The following MALRD1 variants were observed in gnomAD, a reference collection of about 807,000 sequenced individuals.
MALRD1 encodes the protein MAM and LDL-receptor class A domain-containing protein 1.
MALRD1 carries 247 observed loss-of-function variants against 242.1 expected under a neutral mutation model. The observed-to-expected ratio is 1.02, with a 90% CI of 0.92 to 1.13. The LOEUF (loss-of-function observed/expected upper bound fraction) is 1.13, where lower values mean the gene tolerates loss of function less well. Among genes scored for constraint, MALRD1 ranks in the 50% most tolerant of loss-of-function variants. The pLI is 0.00. For synonymous variants in MALRD1, 995 were observed against 866.6 expected (o/e 1.15, Z -2.60); for missense variants, 2,989 against 2,533.1 (o/e 1.18, Z -3.86).
chr10:19,429,256 T>C (rs1834025539), intron 28 of MALRD1, among the ~76,000 whole-genome samples: 1 of 152,184 alleles, frequency 6.6e-6, no homozygotes, highest in African/African-American at 2.4e-5. Context: ...GTGTAATGTG[T>C]AATGTGACTG....
chr10:19,533,984 C>G (rs1457873942), intron 32 of MALRD1, among the ~76,000 whole-genome samples: 2 of 152,160 alleles, frequency 1.3e-5, no homozygotes, highest in Admixed American at 6.5e-5. Context: ...GGAACATAGA[C>G]TAGGCTTGGG....
rs780012192 is a variant in MALRD1 at position 19,128,213 on chromosome 10, T to A, written c.944-8T>A. 12 of 1,233,010 alleles carry A rather than the reference T, an allele frequency of 9.7e-6. No individual in the cohort carries two copies. Among genetic ancestry groups the A allele is most frequent in the Non-Finnish European group, 1.2e-5 (12 of 987,512 alleles). The allele number at this position is 1,233,010 out of a possible 1,614,324, so 76.4% of individuals were successfully genotyped here. On this transcript the variant is annotated splice_region_variant and splice_polypyrimidine_tract_variant and intron_variant, in intron 7 of 39. Coordinates refer to ENST00000454679, the MANE Select transcript of MALRD1 (RefSeq NM_001142308.3). Reference sequence around the variant, plus strand: ...CCTAAATTGCTTCTTTTTTCTTTTATCTTTCAGGTTATTATGTATGGGTAG... The same window carrying A: ...CCTAAATTGCTTCTTTTTTCTTTTAACTTTCAGGTTATTATGTATGGGTAG...
chr10:19,367,544 T>C (rs924634271), intron 26 of MALRD1, among the ~76,000 whole-genome samples: 11 of 152,156 alleles, frequency 7.2e-5, no homozygotes, highest in Admixed American at 3.3e-4. Context: ...ATTTCTTATC[T>C]TGGCTATTGT....
intron 36 of MALRD1, among the ~76,000 whole-genome samples, chr10:19,672,276 A>C (rs11011036): frequency 0.069 from 10,447 of 151,924 alleles, 424 homozygotes; most frequent in Middle Eastern, 0.093. Context: ...CTCTCTCTCT[A>C]TATATATAAT....
intron 28 of MALRD1, among the ~76,000 whole-genome samples, chr10:19,400,676 T>TA (rs1238015609): frequency 1.3e-5 from 2 of 152,166 alleles, no homozygotes; most frequent in East Asian, 1.9e-4. Context: ...TTAGAAGAAA[T>TA]AAAAAAATTA....
Position 19,320,482 on chromosome 10 carries a change from T to TG in MALRD1, c.3420-3464dup, listed in dbSNP as rs1477072543. 6.6e-5 allele frequency among the ~76,000 whole-genome samples: 10 copies of TG among 152,266 alleles called. No homozygotes were observed. In the South Asian group the frequency reaches 2.1e-3, roughly 32 times the overall value. ...ATCCAGTCTATCATTGATGGGAATT[T>TG]GGGTTGGTTCCAAATCTTTGCTATT... On this transcript the variant is annotated intron_variant, in intron 21 of 39. Coordinates refer to ENST00000454679, the MANE Select transcript of MALRD1 (RefSeq NM_001142308.3).
chr10:19,459,083 T>G (rs1352487929), intron 29 of MALRD1, among the ~76,000 whole-genome samples: 1 of 152,148 alleles, frequency 6.6e-6, no homozygotes, highest in Non-Finnish European at 1.5e-5. Context: ...CAAATACATT[T>G]GCTGTATTTA....
Position 19,212,735 on chromosome 10 carries a change from C to T in MALRD1, c.2991+3055C>T, listed in dbSNP as rs577845857. On this transcript the variant is annotated intron_variant, in intron 18 of 39. Coordinates refer to ENST00000454679, the MANE Select transcript of MALRD1 (RefSeq NM_001142308.3). ...CAGTGTATGAGAGTTTCAGCTTCTC[C>T]ACATCCAAGCCAGTGCTTGGCTATT... Among the ~76,000 whole-genome samples the T allele has an allele frequency of 3.2e-4, 48 of 152,066 alleles. 1 individual carries two copies. Among genetic ancestry groups the T allele is most frequent in the Non-Finnish European group, 6.2e-4 (42 of 68,004 alleles).
chr10:19,561,216 T>C (rs1173387786), intron 32 of MALRD1, among the ~76,000 whole-genome samples: 1 of 152,208 alleles, frequency 6.6e-6, no homozygotes. Context: ...TTCTTTTAAA[T>C]TTGCTACAGT....
chr10:19,489,028 G>T (rs750182276), intron 29 of MALRD1: 61 of 456,994 alleles, frequency 1.3e-4, no homozygotes, highest in Non-Finnish European at 2.2e-4. Flanking sequence ...CCCGCCAGGG[G>T]TCTCAGCAGC....
intron 21 of MALRD1, among the ~76,000 whole-genome samples, chr10:19,306,646 C>T (rs1484990355): frequency 6.6e-6 from 1 of 150,640 alleles, no homozygotes; most frequent in Non-Finnish European, 1.5e-5. Context: ...TTAGTCTGTT[C>T]TCATGCTGCT....
intron 35 of MALRD1, among the ~76,000 whole-genome samples, chr10:19,613,254 A>G (rs558462228): frequency 3.2e-4 from 48 of 152,146 alleles, no homozygotes; most frequent in African/African-American, 1.1e-3. Flanking sequence ...CTTTATCTCT[A>G]CTTCATATTA....
At chr10:19,701,782 C>A (rs183128325) in intron 38 of MALRD1, among the ~76,000 whole-genome samples, 2,231 of 143,416 alleles carry the variant, frequency 0.016, 28 homozygotes, top group Non-Finnish European at 0.025. Flanking sequence ...CTTCTCCCTC[C>A]CCCTTTTCCT....
intron 14 of MALRD1, among the ~76,000 whole-genome samples, chr10:19,190,160 G>A (rs1313079757): frequency 6.6e-6 from 1 of 151,816 alleles, no homozygotes; most frequent in Non-Finnish European, 1.5e-5. Context: ...CTTTACATTA[G>A]CAATGAACCA....
chr10:19,506,008 G>T (rs1833120345), intron 31 of MALRD1, among the ~76,000 whole-genome samples: 1 of 152,102 alleles, frequency 6.6e-6, no homozygotes, highest in South Asian at 2.1e-4. Context: ...ATTGGTCTTT[G>T]CTGTAGCCTG....
chr10:19,263,275 C>G (rs1190861791), intron 19 of MALRD1, among the ~76,000 whole-genome samples: 1 of 152,146 alleles, frequency 6.6e-6, no homozygotes, highest in Non-Finnish European at 1.5e-5. Flanking sequence ...TATAAGTGTT[C>G]CCCTTTCTCC....
chr10:19,576,477 G>T (rs766733100), intron 33 of MALRD1, among the ~76,000 whole-genome samples: 4 of 152,038 alleles, frequency 2.6e-5, no homozygotes, highest in African/African-American at 9.7e-5. Flanking sequence ...GTATACTTTC[G>T]TGTTGTATAA....
rs1840914280 is a variant in MALRD1, at chr10:19,283,309, G to A, written c.3419+128G>A. 8 of 801,130 alleles carry A rather than the reference G, an allele frequency of 1.0e-5. No individual in the cohort carries two copies. In the East Asian group the frequency reaches 2.7e-4, roughly 27 times the overall value. 49.6% of individuals were successfully genotyped at this position (801,130 alleles called of 1,614,324 possible). A position where few individuals can be genotyped will look rare whatever the true frequency, so the allele number is the denominator to read the frequency against. On this transcript the variant is annotated intron_variant, in intron 21 of 39. Transcript: ENST00000454679. ...AGACAAATGTTAAGTTGAAAAGGAG[G>A]CTGTTTTCTTTCATACAAAATGGAA... is the stretch of plus-strand genomic sequence containing the variant.
At chr10:19,291,202 A>G (rs1841407473) in intron 21 of MALRD1, among the ~76,000 whole-genome samples, 1 of 152,064 alleles carries the variant, frequency 6.6e-6, no homozygotes, top group Non-Finnish European at 1.5e-5. Context: ...AAAGTTCCTC[A>G]CACTTCATTC....
Sources: gnomAD v4.1 joint callset for allele counts (sites outside exome capture counted in the v4.1 genomes callset) on GRCh38, gnomAD v4.1.1 for gene constraint, MANE v1.5 for transcripts, NCBI Gene and HGNC (gene_info 2026-07-23, HGNC 2026-07-21) for gene names.